Variants in AK7 observed in about 807,000 individuals in gnomAD.
AK7 encodes adenylate kinase 7.
Under a neutral mutation model 96.6 loss-of-function variants are expected in AK7, and 78 were observed. The observed-to-expected ratio is 0.81, with a 90% CI of 0.67 to 0.97. AK7 has a LOEUF of 0.97. Among genes scored for constraint, AK7 ranks in the 50% least tolerant of loss-of-function variants. The pLI is 0.00. For synonymous variants in AK7, 302 were observed against 317.2 expected, an observed-to-expected ratio of 0.95 and a Z score of 0.51; for missense variants, 855 against 887.9, an observed-to-expected ratio of 0.96 and a Z score of 0.47.
chr14:96,471,187 T>C (rs10137066), intron 12 of AK7, among the ~76,000 whole-genome samples: 131,535 of 151,950 alleles, frequency 0.87, 57,213 homozygotes, highest in East Asian at 0.96. Flanking sequence ...TAAAAATCAG[T>C]GGGGCATGGT....
intron 4 of AK7, 83 bp downstream of exon 4, chr14:96,409,024 C>A (rs1050354917): frequency 6.7e-5 from 93 of 1,390,334 alleles, no homozygotes; most frequent in Non-Finnish European, 8.9e-5. Context: ...CTTCCTATGG[C>A]GAGTTGTGTA....
chr14:96,407,100 G>C (rs1006683400), intron 3 of AK7, among the ~76,000 whole-genome samples: 19 of 152,214 alleles, frequency 1.2e-4, no homozygotes, highest in African/African-American at 4.6e-4. Flanking sequence ...TTATTAGAAA[G>C]GAGAGAAAAT....
chr14:96,416,451 C>T (rs1177770090), intron 4 of AK7, among the ~76,000 whole-genome samples: 1 of 151,882 alleles, frequency 6.6e-6, no homozygotes, highest in Admixed American at 6.6e-5. Context: ...TGCCCATTGG[C>T]CTGATAAAGG....
intron 7 of AK7, among the ~76,000 whole-genome samples, chr14:96,445,370 A>G (rs1000919916): frequency 6.6e-6 from 1 of 152,240 alleles, no homozygotes; most frequent in African/African-American, 2.4e-5. Context: ...AGAAATGGGT[A>G]GAAAATAGGC....
At chr14:96,479,046 C>T (rs1280459) in intron 15 of AK7, among the ~76,000 whole-genome samples, 2,318 of 151,874 alleles carry the variant, frequency 0.015, 21 homozygotes, top group Non-Finnish European at 0.024. Flanking sequence ...GTAGCTGGAA[C>T]TACAGGCACA....
At chr14:96,406,024 C>A (rs1384766490) in intron 3 of AK7, among the ~76,000 whole-genome samples, 10 of 150,028 alleles carry the variant, frequency 6.7e-5, no homozygotes, top group African/African-American at 9.8e-5. Context: ...TAAGATGGTG[C>A]CTTTGTGTTT....
intron 14 of AK7, among the ~76,000 whole-genome samples, chr14:96,478,001 T>C (rs1244456363): frequency 6.6e-6 from 1 of 152,158 alleles, no homozygotes; most frequent in Non-Finnish European, 1.5e-5. Flanking sequence ...TAGTAAGACC[T>C]TGTATCTCTC....
At chr14:96,398,022 C>A in intron 1 of AK7, 53 bp from the exon 2 acceptor site, 6 of 1,552,632 alleles carry the variant, frequency 3.9e-6, no homozygotes, top group Non-Finnish European at 5.3e-6. Context: ...CATTCACTGG[C>A]CCCCTGACTC....
chr14:96,420,715 C>T (rs1366336308), intron 4 of AK7, 107 bp from the exon 5 acceptor site: 7 of 768,468 alleles, frequency 9.1e-6, no homozygotes, highest in African/African-American at 3.5e-5. Context: ...ATAAATCAAG[C>T]GGTAGTTTTA....
intron 14 of AK7, among the ~76,000 whole-genome samples, chr14:96,474,125 A>G (rs1018776226): frequency 3.3e-5 from 5 of 152,160 alleles, no homozygotes; most frequent in African/African-American, 9.7e-5. Context: ...CTAGAAGAAA[A>G]GCTATTTTCA....
At chr14:96,446,129 C>T (rs567713783) in intron 7 of AK7, among the ~76,000 whole-genome samples, 20 of 152,166 alleles carry the variant, frequency 1.3e-4, no homozygotes, top group Non-Finnish European at 5.9e-5. Flanking sequence ...TGTTGTGAGG[C>T]TCACACGAGC....
rs537595222 is a variant in AK7, at chr14:96,478,396, C to A, written c.1556-69C>A. The stretch of plus-strand genomic sequence containing the variant: ...CTTGGCTGGTAACCAGGGGGCCATG[C>A]GTTCTCCAGCACCCTGCTAGTTAGC... On this transcript the variant is annotated intron_variant, in intron 14 of 17. Coordinates refer to ENST00000267584, the MANE Select transcript of AK7 (RefSeq NM_152327.5). 1.5e-4 allele frequency: 220 copies of A among 1,516,708 alleles called. No individual in the cohort carries two copies. In the African/African-American group the frequency reaches 2.2e-3, roughly 15 times the overall value. 94.0% of individuals were successfully genotyped at this position (1,516,708 alleles called of 1,614,324 possible).
At chr14:96,396,767 C>G (rs1428923577) in intron 1 of AK7, among the ~76,000 whole-genome samples, 1 of 152,186 alleles carries the variant, frequency 6.6e-6, no homozygotes, top group African/African-American at 2.4e-5. Context: ...GAAGCCACTT[C>G]TAAGGATAGC....
At chr14:96,483,672 C>T (rs902144613) in intron 16 of AK7, among the ~76,000 whole-genome samples, 7 of 152,044 alleles carry the variant, frequency 4.6e-5, no homozygotes, top group South Asian at 4.2e-4. Flanking sequence ...GTGATCCACC[C>T]GCTTCTGCCT....
rs1285906455 is a variant in AK7 at position 96,474,384 on chromosome 14, G to C, written c.1555+1629G>C. 2.0e-5 allele frequency among the ~76,000 whole-genome samples: 3 copies of C among 151,096 alleles called. No homozygotes were observed. In the South Asian group the frequency reaches 6.3e-4, roughly 32 times the overall value. ...AGCACTTTGGAAGGTCAAGGTGGGA[G>C]GATCTCTTGAGCTCAGGAGTTAGAG... On this transcript the variant is annotated intron_variant, in intron 14 of 17. Coordinates refer to ENST00000267584, the MANE Select transcript of AK7 (RefSeq NM_152327.5).
chr14:96,461,534 C>T (rs1226375975), intron 12 of AK7, among the ~76,000 whole-genome samples: 1 of 152,100 alleles, frequency 6.6e-6, no homozygotes, highest in Non-Finnish European at 1.5e-5. Context: ...TAAGGAGAGA[C>T]AAGAATGTCT....
chr14:96,433,767 T>A (rs1192790556), intron 5 of AK7, among the ~76,000 whole-genome samples: 3 of 152,170 alleles, frequency 2.0e-5, no homozygotes, highest in African/African-American at 7.2e-5. Flanking sequence ...GTTTTTTTCC[T>A]CTGACTGTAT....
At chr14:96,461,878 GC>G (rs1340474602) in intron 12 of AK7, among the ~76,000 whole-genome samples, 1 of 152,244 alleles carries the variant, frequency 6.6e-6, no homozygotes, top group Non-Finnish European at 1.5e-5. Context: ...GAGCCACTGT[GC>G]TTGGCCAAGC....
At chr14:96,472,364 G>A (rs1211937734) in intron 13 of AK7, among the ~76,000 whole-genome samples, 1 of 152,176 alleles carries the variant, frequency 6.6e-6, no homozygotes, top group African/African-American at 2.4e-5. Flanking sequence ...CCTGTTGCCA[G>A]GTTGATCTCT....
Sources: allele counts gnomAD v4.1 joint callset (sites outside exome capture counted in the v4.1 genomes callset), GRCh38; gene constraint gnomAD v4.1.1; transcripts MANE v1.5; gene names NCBI Gene and HGNC (gene_info 2026-07-23, HGNC 2026-07-21).